Variants in ZNF804A observed in about 807,000 individuals in gnomAD.
ZNF804A encodes zinc finger protein 804A.
ZNF804A carries 2 observed loss-of-function variants against 16.5 expected under a neutral mutation model. The ratio of observed to expected loss-of-function variants is 0.12; its 90% CI spans 0.05 to 0.38. ZNF804A has a LOEUF of 0.38. Among genes scored for constraint, ZNF804A ranks in the 10% least tolerant of loss-of-function variants. ZNF804A has a pLI of 0.99. For missense variants in ZNF804A, 1,473 were observed against 1,390.7 expected (o/e 1.06, Z -0.94); for synonymous variants, 534 against 489.6 (o/e 1.09, Z -1.20).
intron 1 of ZNF804A, among the ~76,000 whole-genome samples, chr2:184,608,362 A>C (rs566478209): frequency 6.6e-6 from 1 of 152,308 alleles, no homozygotes; most frequent in South Asian, 2.1e-4. Context: ...TACTGTGATA[A>C]AGAAAAGACA....
At chr2:184,688,581 C>T (rs1467660383) in intron 1 of ZNF804A, among the ~76,000 whole-genome samples, 1 of 151,938 alleles carries the variant, frequency 6.6e-6, no homozygotes, top group African/African-American at 2.4e-5. Context: ...TTAACTATTT[C>T]CCACAATTTT....
At chr2:184,824,704 G>A (rs138986989) in intron 1 of ZNF804A, among the ~76,000 whole-genome samples, 75 of 152,206 alleles carry the variant, frequency 4.9e-4, no homozygotes, top group African/African-American at 1.7e-3. Context: ...GAAGGATACC[G>A]TGTGAATGGT....
At chr2:184,685,200 T>C (rs1249460384) in intron 1 of ZNF804A, among the ~76,000 whole-genome samples, 1 of 152,042 alleles carries the variant, frequency 6.6e-6, no homozygotes, top group African/African-American at 2.4e-5. Flanking sequence ...TGTGAGGTTG[T>C]AGCTGGACCA....
At position 184,819,939 on chromosome 2, in the gene ZNF804A, C is replaced by A. The variant is rs188487632; in HGVS notation, c.112-46430C>A. Among the ~76,000 whole-genome samples, 863 of 151,860 alleles carry A rather than the reference C, an allele frequency of 5.7e-3. 3 individuals carry two copies. The highest frequency in any genetic ancestry group is 1.0e-2 in the Admixed American group (152 of 15,212). On this transcript the variant is annotated intron_variant, in intron 1 of 3. Coordinates refer to ENST00000302277, the MANE Select transcript of ZNF804A (RefSeq NM_194250.2). ...AGGCAGTAATAAAGAGCCTACCAAC[C>A]AAAACAAGCCCATGACCAGATGGAT...
chr2:184,901,785 G>C (rs754638851), intron 2 of ZNF804A, among the ~76,000 whole-genome samples: 1 of 151,548 alleles, frequency 6.6e-6, no homozygotes, highest in Admixed American at 6.6e-5. Flanking sequence ...TATATGTTTT[G>C]CTAATTATAA....
At chr2:184,620,688 A>T (rs902356615) in intron 1 of ZNF804A, among the ~76,000 whole-genome samples, 1 of 151,774 alleles carries the variant, frequency 6.6e-6, no homozygotes, top group African/African-American at 2.4e-5. Flanking sequence ...TAAGTGGAAA[A>T]ACAAAGGAAG....
chr2:184,825,735 T>A lies in ZNF804A; in HGVS notation c.112-40634T>A, dbSNP rs537330238. Among the ~76,000 whole-genome samples, 12 of 152,250 alleles carry A rather than the reference T, an allele frequency of 7.9e-5. No individual in the cohort carries two copies. In the South Asian group the frequency reaches 2.5e-3, roughly 32 times the overall value. The stretch of plus-strand genomic sequence containing the variant: ...ATGGGACAAAATGGAAAAGAAGTCA[T>A]TACTGGGAGTTGATACAGATTTGCA... On this transcript the variant is annotated intron_variant, in intron 1 of 3. Coordinates refer to ENST00000302277, the MANE Select transcript of ZNF804A (RefSeq NM_194250.2).
chr2:184,604,745 G>T (rs1004396760), intron 1 of ZNF804A, among the ~76,000 whole-genome samples: 3 of 152,126 alleles, frequency 2.0e-5, no homozygotes, highest in Admixed American at 1.3e-4. Context: ...ACCTTGCTTA[G>T]TTCGAGGACC....
intron 2 of ZNF804A, among the ~76,000 whole-genome samples, chr2:184,881,041 A>G (rs767852576): frequency 6.6e-6 from 1 of 152,082 alleles, no homozygotes; most frequent in South Asian, 2.1e-4. Context: ...ACAGTAGATT[A>G]TAGGTGGAAT....
chr2:184,799,322 A>G (rs963465355), intron 1 of ZNF804A, among the ~76,000 whole-genome samples: 2 of 152,046 alleles, frequency 1.3e-5, no homozygotes, highest in African/African-American at 4.8e-5. Context: ...TTTTAATGTC[A>G]AACTAGCCTT....
intron 1 of ZNF804A, among the ~76,000 whole-genome samples, chr2:184,864,357 T>G (rs1237226939): frequency 6.6e-6 from 1 of 152,282 alleles, no homozygotes; most frequent in South Asian, 2.1e-4. Context: ...AATCTATTGA[T>G]GAAGGATCTG....
At chr2:184,808,838 T>A (rs1218798729) in intron 1 of ZNF804A, among the ~76,000 whole-genome samples, 1 of 151,828 alleles carries the variant, frequency 6.6e-6, no homozygotes, top group Non-Finnish European at 1.5e-5. Flanking sequence ...TATTTTAATT[T>A]TCTACATTTA....
intron 1 of ZNF804A, among the ~76,000 whole-genome samples, chr2:184,640,035 T>TA (rs557278543): frequency 7.3e-4 from 110 of 150,360 alleles, no homozygotes; most frequent in African/African-American, 1.7e-3. Context: ...ATAAATAAAA[T>TA]AAAAAAAAAT....
intron 2 of ZNF804A, among the ~76,000 whole-genome samples, chr2:184,930,836 C>T (rs13012303): frequency 0.092 from 14,047 of 152,180 alleles, 727 homozygotes; most frequent in Middle Eastern, 0.18. Context: ...AAAACTTTAT[C>T]CAATTAGTTT....
At chr2:184,659,600 C>T (rs1285378973) in intron 1 of ZNF804A, among the ~76,000 whole-genome samples, 1 of 151,902 alleles carries the variant, frequency 6.6e-6, no homozygotes, top group Non-Finnish European at 1.5e-5. Context: ...CCCACAAAGT[C>T]TCATATATAC....
chr2:184,835,213 A>G (rs931034292), intron 1 of ZNF804A, among the ~76,000 whole-genome samples: 1 of 152,146 alleles, frequency 6.6e-6, no homozygotes, highest in Admixed American at 6.6e-5. Context: ...CAGTATTGTC[A>G]GACAGCAGCT....
intron 1 of ZNF804A, among the ~76,000 whole-genome samples, chr2:184,614,490 G>C (rs529647624): frequency 2.0e-5 from 3 of 152,282 alleles, no homozygotes; most frequent in Non-Finnish European, 2.9e-5. Flanking sequence ...TCATCAGAGT[G>C]AACAGGCAAT....
intron 1 of ZNF804A, among the ~76,000 whole-genome samples, chr2:184,636,088 A>G (rs1227314813): frequency 6.6e-6 from 1 of 152,156 alleles, no homozygotes; most frequent in Non-Finnish European, 1.5e-5. Flanking sequence ...ATTTTCCAAT[A>G]GCTCTTAATT....
chr2:184,937,116 G>T lies in ZNF804A; in HGVS notation c.1720G>T (p.Asp574Tyr), dbSNP rs771491883. 3.6e-5 allele frequency: 58 copies of T among 1,604,044 alleles called. No homozygotes were observed. Among genetic ancestry groups the T allele is most frequent in the Middle Eastern group, 3.4e-4 (2 of 5,966 alleles). The change falls in exon 4 of 4, where the codon GAT becomes TAT. Residue 574 changes from aspartate (D) to tyrosine (Y), a missense_variant. Transcript: ENST00000302277. Reference sequence around the variant, plus strand: ...AAGTCAAATAAAACAGGACACTCTAGATGAAAAATACAACAAAATAAGGTT... The same window carrying T: ...AAGTCAAATAAAACAGGACACTCTATATGAAAAATACAACAAAATAAGGTT... ...TKSQIKQDTL[D>Y]EKYNKIRLKE...
Sources: gnomAD v4.1 joint callset for allele counts (sites outside exome capture counted in the v4.1 genomes callset) on GRCh38, gnomAD v4.1.1 for gene constraint, MANE v1.5 for transcripts, NCBI Gene and HGNC (gene_info 2026-07-23, HGNC 2026-07-21) for gene names.